CCDC144A: variants seen among roughly 807,000 people sequenced by gnomAD.
CCDC144A encodes the protein coiled-coil domain containing 144A.
Under a neutral mutation model 143.8 loss-of-function variants are expected in CCDC144A, and 41 were observed. The observed-to-expected ratio is 0.29, with a 90% CI of 0.22 to 0.37. The LOEUF is 0.37. CCDC144A is among the 10% of genes least tolerant of loss of function. The pLI, the probability that CCDC144A is intolerant of heterozygous loss-of-function variation, is 1.00. For missense variants in CCDC144A, 637 were observed against 1,488.8 expected (o/e 0.43, Z 9.41); for synonymous variants, 242 against 517.9 (o/e 0.47, Z 7.23).
At chr17:16,761,242 G>A (rs1336783212) in intron 12 of CCDC144A, among the ~76,000 whole-genome samples, 183 bp from the exon 13 acceptor site, 1 of 151,864 alleles carries the variant, frequency 6.6e-6, no homozygotes, top group Non-Finnish European at 1.5e-5. Flanking sequence ...AGCTACGCAG[G>A]AGAATGGCCT....
chr17:16,687,354 C>A (rs1237978661), upstream of CCDC144A, among the ~76,000 whole-genome samples: 2 of 152,046 alleles, frequency 1.3e-5, no homozygotes, highest in Non-Finnish European at 2.9e-5. Flanking sequence ...ATCCCCCTCC[C>A]CCGCCGCCCC....
Position 16,777,253 on chromosome 17 carries a change from C to T in CCDC144A, c.*3620C>T, listed in dbSNP as rs1351255720. 6.8e-6 allele frequency: 1 copy of T among 146,556 alleles called. No individual in the cohort carries two copies. The highest frequency in any genetic ancestry group is 1.5e-5 in the Non-Finnish European group (1 of 66,818). 9.1% of individuals were successfully genotyped at this position (146,556 alleles called of 1,614,324 possible). A position where few individuals can be genotyped will look rare whatever the true frequency, so the allele number is the denominator to read the frequency against. On this transcript the variant is annotated 3_prime_UTR_variant, in exon 17 of 17. Coordinates refer to ENST00000399273, the MANE Select transcript of CCDC144A (RefSeq NM_001382000.1). ...ATAAGAAATGAGGTAGTTGGCAACACAATAATAGTGGGGGATGTTAATACT... is the reference window on the plus strand; with the variant it reads ...ATAAGAAATGAGGTAGTTGGCAACATAATAATAGTGGGGGATGTTAATACT...
intron 6 of CCDC144A, among the ~76,000 whole-genome samples, chr17:16,715,395 A>AT (rs1912693167): frequency 1.3e-5 from 2 of 151,244 alleles, no homozygotes; most frequent in Non-Finnish European, 3.0e-5. Context: ...GCGTTTTTGG[A>AT]TTTTTTGGCT....
chr17:16,688,259 G>C (rs1346286987), upstream of CCDC144A, among the ~76,000 whole-genome samples: 1 of 151,762 alleles, frequency 6.6e-6, no homozygotes, highest in Admixed American at 6.6e-5. Flanking sequence ...CTGGGCTCCT[G>C]CTGGTTCCTC....
chr17:16,700,739 C>G (rs1001416595), intron 2 of CCDC144A, among the ~76,000 whole-genome samples: 1 of 152,100 alleles, frequency 6.6e-6, no homozygotes, highest in Non-Finnish European at 1.5e-5. Context: ...AGGCTGCTTA[C>G]AGTTTTGACA....
chr17:16,770,689 G>A (rs1466119143), intron 15 of CCDC144A, among the ~76,000 whole-genome samples: 1 of 151,914 alleles, frequency 6.6e-6, no homozygotes, highest in Non-Finnish European at 1.5e-5. Flanking sequence ...TTTAAGAATG[G>A]AACTTTTTTA....
chr17:16,754,161 A>G (rs1385228450), intron 12 of CCDC144A, among the ~76,000 whole-genome samples: 5 of 152,066 alleles, frequency 3.3e-5, no homozygotes, highest in Admixed American at 1.3e-4. Flanking sequence ...TTTCTTTGCT[A>G]TCTCCTTTTA....
At chr17:16,683,719 G>A in the CCDC144A span, 4 of 1,585,546 alleles carry the variant, frequency 2.5e-6, no homozygotes, top group South Asian at 4.4e-5. Context: ...ACGAAAGCCA[G>A]CAAGCGACTC....
intron 15 of CCDC144A, among the ~76,000 whole-genome samples, chr17:16,770,464 A>G (rs1281222568): frequency 6.6e-6 from 1 of 152,164 alleles, no homozygotes; most frequent in Non-Finnish European, 1.5e-5. Context: ...TATTTTTAAA[A>G]ATCTGTATTT....
chr17:16,673,282 T>C, the CCDC144A span, among the ~76,000 whole-genome samples: 1 of 152,024 alleles, frequency 6.6e-6, no homozygotes, highest in African/African-American at 2.4e-5. Context: ...TTCCTCATAC[T>C]GTTCTCGGTA....
intron 12 of CCDC144A, among the ~76,000 whole-genome samples, chr17:16,745,144 A>C (rs878977869): frequency 6.6e-6 from 1 of 151,838 alleles, no homozygotes; most frequent in South Asian, 2.1e-4. Flanking sequence ...CACACTTTGC[A>C]GGCATGGCTG....
intron 12 of CCDC144A, among the ~76,000 whole-genome samples, chr17:16,756,793 T>A (rs1173474676): frequency 2.0e-5 from 3 of 151,858 alleles, no homozygotes; most frequent in Non-Finnish European, 2.9e-5. Flanking sequence ...TCTGTAGATG[T>A]ATCTATGTTG....
the CCDC144A span, among the ~76,000 whole-genome samples, chr17:16,670,564 T>C: frequency 2.2e-4 from 34 of 151,998 alleles, no homozygotes; most frequent in African/African-American, 8.2e-4. Context: ...CTGGAGTGCA[T>C]TGGTCCTAAC....
At chr17:16,744,171 T>A (rs1914384518) in intron 12 of CCDC144A, among the ~76,000 whole-genome samples, 1 of 152,366 alleles carries the variant, frequency 6.6e-6, no homozygotes, top group South Asian at 2.1e-4. Flanking sequence ...TTTGGTAGAA[T>A]GATTTTTTGG....
chr17:16,692,804 T>TC, intron 1 of CCDC144A, among the ~76,000 whole-genome samples, 175 bp from the exon 2 acceptor site: 1 of 151,854 alleles, frequency 6.6e-6, no homozygotes, highest in Non-Finnish European at 1.5e-5. Flanking sequence ...CATCTTTTTT[T>TC]CTTCTTCAGA....
intron 12 of CCDC144A, chr17:16,746,445 C>T (rs868369506): frequency 3.9e-6 from 6 of 1,556,056 alleles, no homozygotes; most frequent in Non-Finnish European, 5.3e-6. Flanking sequence ...GCAATGAGCT[C>T]TCTTGTCTTC....
chr17:16,725,583 C>G (rs1282810447), intron 8 of CCDC144A, among the ~76,000 whole-genome samples: 1 of 151,770 alleles, frequency 6.6e-6, no homozygotes, highest in Non-Finnish European at 1.5e-5. Context: ...TATGAGGATG[C>G]AGGGGCATAA....
the CCDC144A span, among the ~76,000 whole-genome samples, chr17:16,681,098 A>G: frequency 4.6e-5 from 7 of 152,190 alleles, no homozygotes; most frequent in East Asian, 1.2e-3. Context: ...GAGATGAATA[A>G]CTTGAAAAAG....
the CCDC144A span, among the ~76,000 whole-genome samples, chr17:16,673,608 A>T: frequency 6.6e-6 from 1 of 151,076 alleles, no homozygotes; most frequent in Non-Finnish European, 1.5e-5. Context: ...CTGGTCTCGA[A>T]CTCCTGACCT....
Sources: allele counts gnomAD v4.1 joint callset (sites outside exome capture counted in the v4.1 genomes callset), GRCh38; gene constraint gnomAD v4.1.1; transcripts MANE v1.5; gene names NCBI Gene and HGNC (gene_info 2026-07-23, HGNC 2026-07-21).